FAM13B: variants seen among roughly 807,000 people sequenced by gnomAD.
FAM13B encodes the protein protein FAM13B.
Under a neutral mutation model 117.3 loss-of-function variants are expected in FAM13B, and 60 were observed. That is an observed-to-expected ratio of 0.51 (90% CI 0.42 to 0.63). FAM13B has a LOEUF of 0.63. Ranked by LOEUF, FAM13B falls within the 30% of genes least tolerant of loss-of-function variation. FAM13B has a pLI of 0.00. For synonymous variants in FAM13B, 332 were observed against 356.1 expected, an observed-to-expected ratio of 0.93 and a Z score of 0.76; for missense variants, 972 against 1,091.9, an observed-to-expected ratio of 0.89 and a Z score of 1.55.
intron 14 of FAM13B, among the ~76,000 whole-genome samples, chr5:137,955,158 G>A (rs1766139773): frequency 1.3e-5 from 2 of 152,126 alleles, no homozygotes; most frequent in Admixed American, 1.3e-4. Flanking sequence ...ATGATGTCAG[G>A]TGTATGACCT....
chr5:138,001,314 G>C (rs1781209633), intron 7 of FAM13B, among the ~76,000 whole-genome samples: 1 of 152,148 alleles, frequency 6.6e-6, no homozygotes, highest in African/African-American at 2.4e-5. Context: ...TCAATCTCCA[G>C]TTTCAAATTC....
At chr5:137,941,383 G>A (rs1324981015) in intron 23 of FAM13B, among the ~76,000 whole-genome samples, 1 of 152,056 alleles carries the variant, frequency 6.6e-6, no homozygotes, top group African/African-American at 2.4e-5. Context: ...CAAACTTCTG[G>A]CCACCATCAG....
chr5:138,024,318 G>C (rs1205499882), intron 1 of FAM13B, among the ~76,000 whole-genome samples: 1 of 152,110 alleles, frequency 6.6e-6, no homozygotes, highest in African/African-American at 2.4e-5. Context: ...GACACACAGA[G>C]AGAAAGAAGA....
At chr5:138,024,578 C>CCA (rs1787677061) in intron 1 of FAM13B, among the ~76,000 whole-genome samples, 1 of 13,634 alleles carries the variant, frequency 7.3e-5, no homozygotes, top group Non-Finnish European at 2.8e-4. Flanking sequence ...ATATTACATT[C>CCA]TAAAAAAAAA....
intron 1 of FAM13B, chr5:138,051,869 A>G (rs4835666): frequency 0.99 from 150,651 of 152,222 alleles, 74,577 homozygotes; most frequent in Middle Eastern, 1. Context: ...CCAAAGGAAA[A>G]TGACTCACCC....
upstream of FAM13B, among the ~76,000 whole-genome samples, chr5:138,034,995 CTTTTTTTT>C (rs557807234): frequency 6.7e-4 from 23 of 34,376 alleles, no homozygotes; most frequent in African/African-American, 9.4e-4. Context: ...ATTCCCTTGC[CTTTTTTTT>C]TTTTTTTTTT....
At position 137,960,183 on chromosome 5, in the gene FAM13B, AT is replaced by A; in HGVS notation, c.1275del (p.Lys425AsnfsTer5). The A allele has an allele frequency of 6.5e-7, 1 of 1,534,478 alleles. No homozygotes were observed. The highest frequency in any genetic ancestry group is 8.9e-7 in the Non-Finnish European group (1 of 1,120,972). ...REEYLLFDSD[K>X]LSHLILDSSS... Reference sequence around the variant, plus strand: ...GTTCTTACCAGAATCAAGTGTGACAATTTATCACTGTCAAATAACAAATATT... The same window carrying A: ...GTTCTTACCAGAATCAAGTGTGACAATTATCACTGTCAAATAACAAATATT... On this transcript the variant is annotated frameshift_variant, in exon 12 of 24. Transcript: ENST00000689681. LOFTEE classifies it high-confidence loss of function.
At chr5:137,988,370 A>G (rs750322882) in intron 7 of FAM13B, 55 bp from the exon 8 acceptor site, 10 of 1,406,958 alleles carry the variant, frequency 7.1e-6, no homozygotes, top group Non-Finnish European at 8.7e-6. Flanking sequence ...AATAACTACA[A>G]AATGTGCTGA....
chr5:137,965,106 T>C (rs935163990), intron 10 of FAM13B, among the ~76,000 whole-genome samples: 16 of 151,660 alleles, frequency 1.1e-4, no homozygotes, highest in African/African-American at 1.5e-4. Context: ...GAGGAGCAGA[T>C]TGCGGTGAGT....
upstream of FAM13B, among the ~76,000 whole-genome samples, chr5:138,037,687 C>T (rs1791290254): frequency 6.6e-6 from 1 of 151,998 alleles, no homozygotes; most frequent in South Asian, 2.1e-4. Context: ...TTTTCCTTAC[C>T]GTTACTGATC....
chr5:138,000,974 T>C (rs1462305491), intron 7 of FAM13B, among the ~76,000 whole-genome samples: 1 of 149,804 alleles, frequency 6.7e-6, no homozygotes, highest in Non-Finnish European at 1.5e-5. Context: ...CTTTCCAAAC[T>C]ACAACTTGGC....
chr5:137,945,043 G>C (rs1763069392), intron 20 of FAM13B, among the ~76,000 whole-genome samples: 1 of 151,876 alleles, frequency 6.6e-6, no homozygotes, highest in Non-Finnish European at 1.5e-5. Flanking sequence ...CCAAACCTCA[G>C]CATCAAGCAA....
chr5:138,045,802 A>G (rs1054667534), intron 1 of FAM13B, among the ~76,000 whole-genome samples: 1 of 151,794 alleles, frequency 6.6e-6, no homozygotes, highest in Non-Finnish European at 1.5e-5. Context: ...AAAATTAGCC[A>G]GGCGTGGTGG....
chr5:137,948,752 G>C (rs1412456706), intron 18 of FAM13B, among the ~76,000 whole-genome samples: 1 of 152,086 alleles, frequency 6.6e-6, no homozygotes, highest in Non-Finnish European at 1.5e-5. Flanking sequence ...CAGCATTCTA[G>C]TTTTTTCAGT....
At chr5:137,956,757 A>AGC (rs1766684663) in intron 13 of FAM13B, among the ~76,000 whole-genome samples, 1 of 149,760 alleles carries the variant, frequency 6.7e-6, no homozygotes, top group Non-Finnish European at 1.5e-5. Context: ...AATGCAAAAA[A>AGC]GGGGGGGGAA....
At position 137,953,333 on chromosome 5, in the gene FAM13B, T is replaced by G; in HGVS notation, c.1848+3A>C. 6.2e-7 allele frequency: 1 copy of G among 1,613,798 alleles called. No individual in the cohort carries two copies. Among genetic ancestry groups the G allele is most frequent in the Non-Finnish European group, 8.5e-7 (1 of 1,179,828 alleles). ...CTCACTCTGGGGAATGCTACAAACCTACCTTGCTATTTCTTTCCCTTTCAA... is the reference window on the plus strand; with the variant it reads ...CTCACTCTGGGGAATGCTACAAACCGACCTTGCTATTTCTTTCCCTTTCAA... On this transcript the variant is annotated splice_donor_region_variant and intron_variant, in intron 16 of 23. Transcript: ENST00000689681.
rs545898880 is a variant in FAM13B, at chr5:137,939,741, C to G, written c.*484G>C. The G allele has an allele frequency of 1.9e-6, 1 of 534,852 alleles. No individual in the cohort carries two copies. Among genetic ancestry groups the G allele is most frequent in the South Asian group, 7.1e-5 (1 of 14,122 alleles). The allele number at this position is 534,852 out of a possible 1,614,324, so 33.1% of individuals were successfully genotyped here. A position where few individuals can be genotyped will look rare whatever the true frequency, so the allele number is the denominator to read the frequency against. ...GTTTGATTTTGGTTTTCTAGGAAAA[C>G]AGAGAACACAGTTGCGTATGTGCAC... On this transcript the variant is annotated 3_prime_UTR_variant, in exon 24 of 24. Coordinates refer to ENST00000689681, the MANE Select transcript of FAM13B (RefSeq NM_001385994.1).
Position 138,018,496 on chromosome 5 carries a change from C to G in FAM13B, c.176G>C (p.Gly59Ala). The part of the protein sequence containing the change: ...IEEHGGLEQQ[G>A]LFQVNGNAET... ...AGCATTTCCATTGACTTGAAAAAGT[C>G]CTTGTTGCTCCAGACCTCCTACGTT... The change falls in exon 4 of 24, where the codon GGA becomes GCA. Residue 59 changes from glycine (G) to alanine (A), a missense_variant. Gly to Ala is a moderately conservative substitution (Grantham distance 60, BLOSUM62 0). Transcript: ENST00000689681. 2 of 1,614,086 alleles carry G rather than the reference C, an allele frequency of 1.2e-6. No homozygotes were observed. Among genetic ancestry groups the G allele is most frequent in the Non-Finnish European group, 8.5e-7 (1 of 1,179,986 alleles).
At chr5:137,947,195 A>G (rs1763664202) in intron 18 of FAM13B, among the ~76,000 whole-genome samples, 1 of 152,146 alleles carries the variant, frequency 6.6e-6, no homozygotes. Flanking sequence ...TAATCTCTCT[A>G]CTTATTCCCA....
Sources: allele counts gnomAD v4.1 joint callset (sites outside exome capture counted in the v4.1 genomes callset), GRCh38; gene constraint gnomAD v4.1.1; transcripts MANE v1.5; gene names NCBI Gene and HGNC (gene_info 2026-07-23, HGNC 2026-07-21).